The following MARCHF1 variants were observed in gnomAD, a reference collection of about 807,000 sequenced individuals.
The protein encoded by MARCHF1 is membrane associated ring-CH-type finger 1.
A neutral mutation model predicts 54.2 loss-of-function variants in MARCHF1; 40 were observed. The ratio of observed to expected loss-of-function variants is 0.74; its 90% CI spans 0.57 to 0.96. MARCHF1 has a LOEUF of 0.96. Among genes scored for constraint, MARCHF1 ranks in the 40% least tolerant of loss-of-function variants. The pLI is 0.00. For synonymous variants in MARCHF1, 236 were observed against 236.3 expected (o/e 1.00, Z 0.01); for missense variants, 586 against 656.5 (o/e 0.89, Z 1.17).
At chr4:163,576,047 T>C (rs866876507) in intron 8 of MARCHF1, among the ~76,000 whole-genome samples, 1 of 152,014 alleles carries the variant, frequency 6.6e-6, no homozygotes, top group Non-Finnish European at 1.5e-5. Flanking sequence ...TTCATTTAGG[T>C]CTGCTCTAAT....
intron 1 of MARCHF1, among the ~76,000 whole-genome samples, chr4:164,171,801 G>C (rs1445784211): frequency 6.6e-6 from 1 of 152,116 alleles, no homozygotes; most frequent in Non-Finnish European, 1.5e-5. Context: ...TTTAAACTTT[G>C]GTTCAGAAGA....
chr4:163,600,458 GAGACAAT>G (rs1364424278), intron 7 of MARCHF1, among the ~76,000 whole-genome samples: 2 of 152,134 alleles, frequency 1.3e-5, no homozygotes, highest in African/African-American at 4.8e-5. Flanking sequence ...ACCACTTGGT[GAGACAAT>G]GTCTCAGGGC....
intron 7 of MARCHF1, among the ~76,000 whole-genome samples, chr4:163,592,716 G>A (rs1740631716): frequency 6.6e-6 from 1 of 152,028 alleles, no homozygotes; most frequent in African/African-American, 2.4e-5. Context: ...GAGATGGTTC[G>A]ATGCCATTGA....
chr4:164,309,996 T>TA lies in MARCHF1; in HGVS notation c.-323+73873dup, dbSNP rs527268192. Among the ~76,000 whole-genome samples, 93 of 151,570 alleles carry TA rather than the reference T, an allele frequency of 6.1e-4. 1 individual carries two copies. The highest frequency in any genetic ancestry group is 2.1e-3 in the African/African-American group (85 of 41,414). On this transcript the variant is annotated intron_variant, in intron 1 of 9. Transcript: ENST00000514618. ...ACAAATCATGTTCCTTTTTTTTAAT[T>TA]AAAAAAAAATCTGTAGGTACATAGA... is the stretch of plus-strand genomic sequence containing the variant.
rs1734499022 is a variant in MARCHF1 at position 164,299,637 on chromosome 4, C to A, written c.-323+84233G>T. 1.3e-5 allele frequency among the ~76,000 whole-genome samples: 2 copies of A among 152,130 alleles called. 1 individual carries two copies. Among genetic ancestry groups the A allele is most frequent in the South Asian group, 4.1e-4 (2 of 4,828 alleles). ...TTAGCTGCACAGAGTAGAGTTATTC[C>A]ATTTGGTGAAACTGAAACAACACAG... is the stretch of plus-strand genomic sequence containing the variant. On this transcript the variant is annotated intron_variant, in intron 1 of 9. Coordinates refer to ENST00000514618, the MANE Select transcript of MARCHF1 (RefSeq NM_001394959.1).
intron 5 of MARCHF1, among the ~76,000 whole-genome samples, chr4:163,618,637 C>A (rs1385040277): frequency 6.6e-6 from 1 of 152,172 alleles, no homozygotes; most frequent in Non-Finnish European, 1.5e-5. Context: ...ATTTAGTTAA[C>A]CAGCTGCCTC....
chr4:164,072,968 G>C (rs1003893164), intron 2 of MARCHF1, among the ~76,000 whole-genome samples: 1 of 152,192 alleles, frequency 6.6e-6, no homozygotes, highest in Non-Finnish European at 1.5e-5. Flanking sequence ...TCAGAGGAGA[G>C]AGCCTCACGG....
intron 1 of MARCHF1, among the ~76,000 whole-genome samples, chr4:164,303,442 A>G (rs1328520951): frequency 6.6e-6 from 1 of 152,206 alleles, no homozygotes; most frequent in Non-Finnish European, 1.5e-5. Context: ...TGGACAAGTG[A>G]TTTAACTTTT....
intron 1 of MARCHF1, among the ~76,000 whole-genome samples, chr4:164,230,217 G>A (rs1184582756): frequency 3.3e-5 from 5 of 152,082 alleles, no homozygotes; most frequent in Non-Finnish European, 7.4e-5. Context: ...CCAATATGAT[G>A]AAACCCCATC....
intron 7 of MARCHF1, among the ~76,000 whole-genome samples, chr4:163,610,458 G>T (rs145847500): frequency 6.6e-6 from 1 of 152,032 alleles, no homozygotes; most frequent in Admixed American, 6.6e-5. Flanking sequence ...GGGTTTTTAA[G>T]TAAGGAGAAC....
chr4:163,823,987 T>C (rs1311144409), intron 4 of MARCHF1, among the ~76,000 whole-genome samples: 1 of 151,862 alleles, frequency 6.6e-6, no homozygotes, highest in Non-Finnish European at 1.5e-5. Flanking sequence ...CTATATATCA[T>C]TCAAGTTTTT....
chr4:164,340,405 T>TTATATA (rs1554002572), intron 1 of MARCHF1, among the ~76,000 whole-genome samples: 92 of 95,536 alleles, frequency 9.6e-4, no homozygotes, highest in Middle Eastern at 4.8e-3. Flanking sequence ...AGGCCTTGAT[T>TTATATA]TATATATAGA....
intron 5 of MARCHF1, among the ~76,000 whole-genome samples, chr4:163,687,191 C>T (rs1185002912): frequency 2.6e-5 from 4 of 151,906 alleles, no homozygotes; most frequent in African/African-American, 7.3e-5. Context: ...TGTCTAACCC[C>T]CCAAGTTCAA....
chr4:164,187,927 C>A (rs1158194694), intron 1 of MARCHF1, among the ~76,000 whole-genome samples: 5 of 152,060 alleles, frequency 3.3e-5, no homozygotes, highest in African/African-American at 1.2e-4. Flanking sequence ...ATCTAGTAAA[C>A]CTATAAATTA....
intron 1 of MARCHF1, among the ~76,000 whole-genome samples, chr4:164,342,326 T>A: frequency 6.6e-6 from 1 of 152,090 alleles, no homozygotes; most frequent in East Asian, 1.9e-4. Context: ...GGTTAGGGTC[T>A]GGAGAAAAGG....
At chr4:163,779,707 G>A (rs1747408493) in intron 4 of MARCHF1, among the ~76,000 whole-genome samples, 2 of 151,970 alleles carry the variant, frequency 1.3e-5, no homozygotes, top group Admixed American at 1.3e-4. Flanking sequence ...TATGAAACAG[G>A]GAACAAAGTG....
intron 4 of MARCHF1, among the ~76,000 whole-genome samples, chr4:163,771,767 G>A (rs1747168245): frequency 1.3e-5 from 2 of 152,284 alleles, no homozygotes; most frequent in East Asian, 1.9e-4. Flanking sequence ...CTCAAGGGTG[G>A]AGGTGGAATT....
chr4:164,085,383 A>AT (rs1755173392), intron 2 of MARCHF1, among the ~76,000 whole-genome samples: 1 of 151,814 alleles, frequency 6.6e-6, no homozygotes, highest in South Asian at 2.1e-4. Context: ...CTAAAATGAG[A>AT]TTTTCAGCAC....
chr4:164,274,677 T>C lies in MARCHF1; in HGVS notation c.-323+109193A>G, dbSNP rs1055965872. Among the ~76,000 whole-genome samples the C allele has an allele frequency of 6.1e-3, 752 of 123,630 alleles. 36 individuals are homozygous for C. Among genetic ancestry groups the C allele is most frequent in the African/African-American group, 0.022 (721 of 32,250 alleles). 81.1% of individuals were successfully genotyped at this position (123,630 alleles called of 152,430 possible). Reference sequence around the variant, plus strand: ...GGGTACACTTTTTTTTTTTTTTTTTTTTTTTTTTTTTTTTTTTTAGACGGA... The same window carrying C: ...GGGTACACTTTTTTTTTTTTTTTTTCTTTTTTTTTTTTTTTTTTAGACGGA... On this transcript the variant is annotated intron_variant, in intron 1 of 9. Coordinates refer to ENST00000514618, the MANE Select transcript of MARCHF1 (RefSeq NM_001394959.1).
Sources: gnomAD v4.1 joint callset for allele counts (sites outside exome capture counted in the v4.1 genomes callset) on GRCh38, gnomAD v4.1.1 for gene constraint, MANE v1.5 for transcripts, NCBI Gene and HGNC (gene_info 2026-07-23, HGNC 2026-07-21) for gene names.